The following RNF34 variants were observed in gnomAD, a reference collection of about 807,000 sequenced individuals.
RNF34 encodes ring finger protein 34.
A neutral mutation model predicts 37.9 loss-of-function variants in RNF34; 12 were observed. The ratio of observed to expected loss-of-function variants is 0.32; its 90% CI spans 0.20 to 0.51. The LOEUF is 0.51. Ranked by LOEUF, RNF34 falls within the 20% of genes least tolerant of loss-of-function variation. RNF34 has a pLI of 0.97. For synonymous variants in RNF34, 155 were observed against 177.2 expected, an observed-to-expected ratio of 0.87 and a Z score of 1.00; for missense variants, 362 against 472.7, an observed-to-expected ratio of 0.77 and a Z score of 2.17.
At chr12:121,405,816 C>T (rs1444936710) in intron 1 of RNF34, among the ~76,000 whole-genome samples, 1 of 142,508 alleles carries the variant, frequency 7.0e-6, no homozygotes, top group Non-Finnish European at 1.5e-5. Context: ...TTTCTTGAGA[C>T]GGAGTCTTGC....
intron 1 of RNF34, chr12:121,404,905 G>C (rs1357088110): frequency 6.6e-6 from 1 of 152,238 alleles, no homozygotes; most frequent in Non-Finnish European, 1.5e-5. Flanking sequence ...GCTGAACCTT[G>C]AGGCCATTTG....
chr12:121,416,533 A>C (rs1032953964), intron 2 of RNF34, 156 bp downstream of exon 2: 7 of 610,720 alleles, frequency 1.1e-5, no homozygotes, highest in Admixed American at 8.8e-5. Context: ...ACTTAATTGG[A>C]GGGATTATAT....
At chr12:121,405,118 G>T (rs1267987519) in intron 1 of RNF34, 1 of 152,364 alleles carries the variant, frequency 6.6e-6, no homozygotes, top group Non-Finnish European at 1.5e-5. Context: ...ATTTAGGTTT[G>T]TATTCTTTCC....
At position 121,420,580 on chromosome 12, in the gene RNF34, C is replaced by T. The variant is rs782055171; in HGVS notation, c.730C>T (p.Pro244Ser). 9 of 1,614,000 alleles carry T rather than the reference C, an allele frequency of 5.6e-6. No homozygotes were observed. The South Asian group carries it at 7.7e-5, about 14-fold the overall frequency. ...AATGGATGCTCTGTGGTTTCAGAACCCCGGGCTCTCCAAGGAGAGAGTGAG... is the reference window on the plus strand; with the variant it reads ...AATGGATGCTCTGTGGTTTCAGAACTCCGGGCTCTCCAAGGAGAGAGTGAG... ...DEEENAEDRNPGLSKERVRAS... is the reference protein window; with the variant it reads ...DEEENAEDRNSGLSKERVRAS... The change falls in exon 5 of 6, where the codon CCC becomes TCC. Residue 244 changes from proline (P) to serine (S), a missense_variant. By Grantham distance (74) the Pro-to-Ser change is moderately conservative. Transcript: ENST00000361234.
Position 121,418,995 on chromosome 12 carries a change from C to T in RNF34, c.633+1084C>T, listed in dbSNP as rs777414244. On this transcript the variant is annotated intron_variant, in intron 3 of 5. Coordinates refer to ENST00000361234, the MANE Select transcript of RNF34 (RefSeq NM_025126.4). ...TAAGATTACAGGCATGAGCCAACCG[C>T]GCCTGGCCAAGAGTGTCTTTTAATT... 3.9e-5 allele frequency among the ~76,000 whole-genome samples: 6 copies of T among 152,228 alleles called. No individual in the cohort carries two copies. In the South Asian group the frequency reaches 8.3e-4, roughly 21 times the overall value.
At chr12:121,408,659 T>C (rs563595496) in intron 1 of RNF34, among the ~76,000 whole-genome samples, 7 of 152,212 alleles carry the variant, frequency 4.6e-5, no homozygotes, top group African/African-American at 1.7e-4. Context: ...GAGAGCCAGG[T>C]AGATGGAGTC....
intron 1 of RNF34, among the ~76,000 whole-genome samples, chr12:121,406,577 G>A (rs942673726): frequency 2.6e-5 from 4 of 152,160 alleles, no homozygotes; most frequent in Admixed American, 6.5e-5. Context: ...GTGAGCCACC[G>A]CGCCGGGCTG....
Position 121,423,270 on chromosome 12 carries a change from T to C in RNF34, c.929-116T>C, listed in dbSNP as rs1453559892. 9 of 673,660 alleles carry C rather than the reference T, an allele frequency of 1.3e-5. No homozygotes were observed. Among genetic ancestry groups the C allele is most frequent in the Non-Finnish European group, 2.0e-5 (8 of 398,458 alleles). The allele number at this position is 673,660 out of a possible 1,614,324, so 41.7% of individuals were successfully genotyped here. A position where few individuals can be genotyped will look rare whatever the true frequency, so the allele number is the denominator to read the frequency against. On this transcript the variant is annotated intron_variant, in intron 5 of 5. Coordinates refer to ENST00000361234, the MANE Select transcript of RNF34 (RefSeq NM_025126.4). This position sits in a 1 kb window ranked among gnomAD's most constrained non-coding sequence, Gnocchi z 4.3. ...GATTATTTCTTGTACAACACTGGGGTGGCATTGGGCCTGCAGGGGTCATTC... is the reference window on the plus strand; with the variant it reads ...GATTATTTCTTGTACAACACTGGGGCGGCATTGGGCCTGCAGGGGTCATTC...
chr12:121,400,269 C>T, intron 1 of RNF34, 51 bp downstream of exon 1: 3 of 1,596,294 alleles, frequency 1.9e-6, no homozygotes, highest in Non-Finnish European at 2.6e-6. Flanking sequence ...CCTATCCTGC[C>T]AGGGCACCTG....
chr12:121,402,732 T>C (rs1555280166), intron 1 of RNF34: 14 of 1,567,386 alleles, frequency 8.9e-6, no homozygotes, highest in Non-Finnish European at 1.2e-5. Context: ...CCTTTTTTTT[T>C]CTCTGAAAGG....
intron 1 of RNF34, among the ~76,000 whole-genome samples, chr12:121,406,563 A>C (rs781878065): frequency 1.3e-5 from 2 of 152,294 alleles, no homozygotes; most frequent in Non-Finnish European, 2.9e-5. Context: ...CTAGGATTAC[A>C]GGCGTGAGCC....
chr12:121,415,000 G>A (rs2668257), intron 1 of RNF34, among the ~76,000 whole-genome samples: 1 of 152,230 alleles, frequency 6.6e-6, no homozygotes, highest in South Asian at 2.1e-4. Context: ...GGAGGCTGAG[G>A]CAGGAGAATC....
Position 121,420,236 on chromosome 12 carries a change from G to T in RNF34, c.634-6G>T. On this transcript the variant is annotated splice_region_variant and splice_polypyrimidine_tract_variant and intron_variant, in intron 3 of 5. Coordinates refer to ENST00000361234, the MANE Select transcript of RNF34 (RefSeq NM_025126.4). ...TGACCTAATCAGATACGTTGTATAAGTGTAGGTACAAAGTGAAATCACTTC... is the reference window on the plus strand; with the variant it reads ...TGACCTAATCAGATACGTTGTATAATTGTAGGTACAAAGTGAAATCACTTC... 1 of 1,609,524 alleles carries T rather than the reference G, an allele frequency of 6.2e-7. No homozygotes were observed. The highest frequency in any genetic ancestry group is 8.5e-7 in the Non-Finnish European group (1 of 1,176,678).
At chr12:121,401,163 A>C (rs1555279964) in intron 1 of RNF34, among the ~76,000 whole-genome samples, 1 of 152,106 alleles carries the variant, frequency 6.6e-6, no homozygotes, top group Non-Finnish European at 1.5e-5. Flanking sequence ...AGAAGATTGA[A>C]AAAGAGTGTC....
rs1872405382 is a variant in RNF34, at chr12:121,424,348, C to T, written c.*772C>T. The T allele has an allele frequency of 6.6e-6, 1 of 152,626 alleles. No homozygotes were observed. Among genetic ancestry groups the T allele is most frequent in the South Asian group, 2.1e-4 (1 of 4,834 alleles). The allele number at this position is 152,626 out of a possible 1,614,324, so 9.5% of individuals were successfully genotyped here. On this transcript the variant is annotated 3_prime_UTR_variant, in exon 6 of 6. Transcript: ENST00000361234. ...TTAGGAATAAAATTAGTTTTAAAAG[C>T]TTTTGTTTACATTGTCTTGGTCAGT...
At position 121,417,020 on chromosome 12, in the gene RNF34, T is replaced by C. The variant is rs549087125; in HGVS notation, c.226-484T>C. Among the ~76,000 whole-genome samples the C allele has an allele frequency of 6.6e-6, 1 of 152,370 alleles. No individual in the cohort carries two copies. The highest frequency in any genetic ancestry group is 2.1e-4 in the South Asian group (1 of 4,830). The stretch of plus-strand genomic sequence containing the variant: ...CAAGGCTTTGATTGTGATTAGGCTG[T>C]GTAGTTTACAGATTACTGTATTAGT... On this transcript the variant is annotated intron_variant, in intron 2 of 5. Transcript: ENST00000361234. The surrounding 1 kb of genome is among the most constrained non-coding windows in gnomAD (Gnocchi z 5.0).
intron 1 of RNF34, among the ~76,000 whole-genome samples, chr12:121,413,223 CGCCATG>C (rs753125287): frequency 8.6e-5 from 13 of 151,780 alleles, no homozygotes; most frequent in Non-Finnish European, 1.9e-4. Flanking sequence ...GACGGCGTTT[CGCCATG>C]TTGTCCAGGC....
At chr12:121,416,110 G>A in intron 1 of RNF34, 49 bp from the exon 2 acceptor site, 3 of 1,491,080 alleles carry the variant, frequency 2.0e-6, no homozygotes, top group Non-Finnish European at 2.8e-6. Context: ...ATCCCAGAGA[G>A]CCCAGATTCC....
intron 5 of RNF34, 65 bp downstream of exon 5, chr12:121,420,843 T>G: frequency 8.1e-7 from 1 of 1,241,152 alleles, no homozygotes. Context: ...ACTGGGTTGT[T>G]TTTGTCACAA....
Sources: allele counts gnomAD v4.1 joint callset (sites outside exome capture counted in the v4.1 genomes callset), GRCh38; gene constraint gnomAD v4.1.1; non-coding constraint Gnocchi (gnomAD v3.1); transcripts MANE v1.5; gene names NCBI Gene and HGNC (gene_info 2026-07-23, HGNC 2026-07-21).